Variants in ABR observed in about 807,000 individuals in gnomAD.
ABR encodes ABR activator of RhoGEF and GTPase.
In ABR, 35 loss-of-function variants were observed where a neutral mutation model predicts 107.2. That is an observed-to-expected ratio of 0.33 (90% CI 0.25 to 0.43). The LOEUF is 0.43. ABR is among the 20% of genes least tolerant of loss of function. The pLI is 1.00. For synonymous variants in ABR, 498 were observed against 462.0 expected (o/e 1.08, Z -1.00); for missense variants, 815 against 1,115.2 (o/e 0.73, Z 3.83).
Position 1,092,968 on chromosome 17 carries a change from C to T in ABR, c.346-1118G>A, listed in dbSNP as rs2037137147. On this transcript the variant is annotated intron_variant, in intron 3 of 22. Transcript: ENST00000302538. This position sits in a 1 kb window ranked among gnomAD's most constrained non-coding sequence, Gnocchi z 4.6. Reference sequence around the variant, plus strand: ...CCAAGTAACAGGGACTACAGGCGCCCGCCACCACGCCTGGCTAATTTTTTT... The same window carrying T: ...CCAAGTAACAGGGACTACAGGCGCCTGCCACCACGCCTGGCTAATTTTTTT... 1.3e-5 allele frequency among the ~76,000 whole-genome samples: 2 copies of T among 150,810 alleles called. No homozygotes were observed. Among genetic ancestry groups the T allele is most frequent in the Non-Finnish European group, 3.0e-5 (2 of 67,670 alleles).
At chr17:1,045,263 A>T (rs1039387221) in intron 16 of ABR, among the ~76,000 whole-genome samples, 1 of 152,212 alleles carries the variant, frequency 6.6e-6, no homozygotes, top group Non-Finnish European at 1.5e-5. Context: ...TCCTCCTTGA[A>T]GCCTCCCTAA....
At chr17:1,113,278 A>AGGTT (rs2038807759) in intron 2 of ABR, among the ~76,000 whole-genome samples, 2 of 104,118 alleles carry the variant, frequency 1.9e-5, no homozygotes, top group African/African-American at 3.8e-5. Context: ...ACCTATTGCG[A>AGGTT]TTTTTTTTTT....
chr17:1,076,002 A>AT (rs2151205727), intron 6 of ABR, among the ~76,000 whole-genome samples: 1 of 152,338 alleles, frequency 6.6e-6, no homozygotes, highest in South Asian at 2.1e-4. Flanking sequence ...AGATTGCGCC[A>AT]TTGCACTCCA....
intron 7 of ABR, 101 bp from the exon 8 acceptor site, chr17:1,072,855 G>T: frequency 7.0e-7 from 1 of 1,431,016 alleles, no homozygotes; most frequent in Non-Finnish European, 9.3e-7. Context: ...GGCACTCAGG[G>T]ACCTGCCTAA....
At chr17:1,189,210 G>C (rs964678880), upstream of ABR, among the ~76,000 whole-genome samples, 1 of 152,178 alleles carries the variant, frequency 6.6e-6, no homozygotes, top group Non-Finnish European at 1.5e-5. Context: ...CCAGGCTCAC[G>C]AGACTGACAT....
chr17:1,109,379 C>T (rs1175120082), intron 2 of ABR, among the ~76,000 whole-genome samples: 2 of 151,968 alleles, frequency 1.3e-5, no homozygotes, highest in African/African-American at 4.8e-5. Flanking sequence ...CCCGCCCGGC[C>T]CCGCAGGGCC....
intron 16 of ABR, among the ~76,000 whole-genome samples, chr17:1,020,093 T>C (rs1467254610): frequency 1.3e-5 from 2 of 152,106 alleles, no homozygotes; most frequent in Admixed American, 1.3e-4. Context: ...TTCCTTCTTT[T>C]TTTTTTTTGA....
chr17:1,078,068 C>T lies in ABR; in HGVS notation c.700+1262G>A, dbSNP rs2035875952. Among the ~76,000 whole-genome samples the T allele has an allele frequency of 6.6e-6, 1 of 151,988 alleles. No individual in the cohort carries two copies. The highest frequency in any genetic ancestry group is 2.1e-4 in the South Asian group (1 of 4,808). ...AGCCCCCAGCCAGCTGCGGGAGCTGCAAGGAGGATGGTCCGGGTCCCTTCC... is the reference window on the plus strand; with the variant it reads ...AGCCCCCAGCCAGCTGCGGGAGCTGTAAGGAGGATGGTCCGGGTCCCTTCC... On this transcript the variant is annotated intron_variant, in intron 6 of 22. Coordinates refer to ENST00000302538, the MANE Select transcript of ABR (RefSeq NM_021962.5). This position sits in a 1 kb window ranked among gnomAD's most constrained non-coding sequence, Gnocchi z 7.5.
rs2040837342 is a variant in ABR, at chr17:1,152,426, C to T, written c.62-27059G>A. On this transcript the variant is annotated intron_variant, in intron 1 of 22. Coordinates refer to ENST00000302538, the MANE Select transcript of ABR (RefSeq NM_021962.5). ...TCAACATGGGGAAACCCCATCTCTA[C>T]TAAAAATACAAAAAATTAGCCGGGC... 2.6e-5 allele frequency among the ~76,000 whole-genome samples: 4 copies of T among 150,974 alleles called. No individual in the cohort carries two copies. In the South Asian group the frequency reaches 8.4e-4, roughly 32 times the overall value.
chr17:1,017,522 T>C (rs1398029977), intron 16 of ABR, among the ~76,000 whole-genome samples: 1 of 142,414 alleles, frequency 7.0e-6, no homozygotes, highest in Non-Finnish European at 1.5e-5. Flanking sequence ...CAGGCTGGAG[T>C]GCAGTGGTGT....
rs557888215 is a variant in ABR, at chr17:1,137,626, T to TA, written c.62-12260dup. 1.2e-4 allele frequency among the ~76,000 whole-genome samples: 18 copies of TA among 151,922 alleles called. No homozygotes were observed. In the South Asian group the frequency reaches 1.7e-3, roughly 14 times the overall value. ...ATCACTGTAACAGGTGTCATAACAATAAAAAAGTCTGAAAGATCGTGAGAA... is the reference window on the plus strand; with the variant it reads ...ATCACTGTAACAGGTGTCATAACAATAAAAAAAGTCTGAAAGATCGTGAGAA... On this transcript the variant is annotated intron_variant, in intron 1 of 22. Transcript: ENST00000302538.
At position 1,058,275 on chromosome 17, in the gene ABR, G is replaced by A. The variant is rs902789034; in HGVS notation, c.1306-230C>T. Among the ~76,000 whole-genome samples, 12 of 152,142 alleles carry A rather than the reference G, an allele frequency of 7.9e-5. No individual in the cohort carries two copies. In the East Asian group the frequency reaches 2.3e-3, roughly 29 times the overall value. ...CTGCCTCAGCCTCCTGAGTAGCTGG[G>A]ATTACAGGTGCCCACCACCACGCCC... On this transcript the variant is annotated intron_variant, in intron 11 of 22. Transcript: ENST00000302538.
chr17:1,065,715 T>G (rs2034649719), intron 10 of ABR, among the ~76,000 whole-genome samples: 1 of 151,830 alleles, frequency 6.6e-6, no homozygotes. Flanking sequence ...CTCTTTACCT[T>G]GTCAGTTTGA....
Position 1,037,301 on chromosome 17 carries a change from T to A in ABR, c.1791+12749A>T, listed in dbSNP as rs1366823994. Among the ~76,000 whole-genome samples, 1 of 152,134 alleles carries A rather than the reference T, an allele frequency of 6.6e-6. No homozygotes were observed. Among genetic ancestry groups the A allele is most frequent in the African/African-American group, 2.4e-5 (1 of 41,420 alleles). Reference sequence around the variant, plus strand: ...AGGCCTGTGCCGGCTCATAGGGCAGTCCCGAGTACGTGCTGCTTCTCACAC... The same window carrying A: ...AGGCCTGTGCCGGCTCATAGGGCAGACCCGAGTACGTGCTGCTTCTCACAC... On this transcript the variant is annotated intron_variant, in intron 16 of 22. Coordinates refer to ENST00000302538, the MANE Select transcript of ABR (RefSeq NM_021962.5). The surrounding 1 kb of genome is among the most constrained non-coding windows in gnomAD (Gnocchi z 4.6).
intron 10 of ABR, among the ~76,000 whole-genome samples, chr17:1,064,632 G>A (rs1176287595): frequency 2.7e-5 from 3 of 110,250 alleles, no homozygotes; most frequent in East Asian, 2.6e-4. Context: ...CTGTTGTTAT[G>A]TGAACTGAGG....
chr17:1,083,809 T>C (rs926014341), intron 4 of ABR, 182 bp from the exon 5 acceptor site: 3 of 586,322 alleles, frequency 5.1e-6, no homozygotes, highest in Non-Finnish European at 9.2e-6. Flanking sequence ...AACTGGACAG[T>C]TTCCATGGAA....
chr17:1,199,871 C>A (rs2042639737), intron 1 of ABR, among the ~76,000 whole-genome samples: 1 of 151,802 alleles, frequency 6.6e-6, no homozygotes, highest in African/African-American at 2.4e-5. Context: ...AAATACACCA[C>A]CCCAATTAGC....
intron 2 of ABR, among the ~76,000 whole-genome samples, chr17:1,115,593 C>T (rs927412849): frequency 2.0e-5 from 3 of 152,270 alleles, no homozygotes; most frequent in African/African-American, 7.2e-5. Context: ...TGTTCTAGTA[C>T]AGGTCACTCC....
At chr17:1,224,499 T>C (rs2043178965) in intron 1 of ABR, among the ~76,000 whole-genome samples, 1 of 152,086 alleles carries the variant, frequency 6.6e-6, no homozygotes, top group Non-Finnish European at 1.5e-5. Flanking sequence ...GATTGCCCAA[T>C]AAAACCTGAC....
Sources: gnomAD v4.1 joint callset for allele counts (sites outside exome capture counted in the v4.1 genomes callset) on GRCh38, gnomAD v4.1.1 for gene constraint, Gnocchi (gnomAD v3.1) non-coding constraint, MANE v1.5 for transcripts, NCBI Gene and HGNC (gene_info 2026-07-23, HGNC 2026-07-21) for gene names.